Variants in GSE1 observed in about 807,000 individuals in gnomAD.
GSE1 encodes the protein Gse1 coiled-coil protein.
In GSE1, 32 loss-of-function variants were observed where a neutral mutation model predicts 112.6. The ratio of observed to expected loss-of-function variants is 0.28; its 90% CI spans 0.21 to 0.38. GSE1 has a LOEUF of 0.38. Among genes scored for constraint, GSE1 ranks in the 10% least tolerant of loss-of-function variants. The pLI is 1.00. For missense variants in GSE1, 2,348 were observed against 1,699.2 expected, an observed-to-expected ratio of 1.38 and a Z score of -6.71; for synonymous variants, 1,115 against 735.6, an observed-to-expected ratio of 1.52 and a Z score of -8.35.
At position 85,490,261 on chromosome 16, in the gene GSE1, A is replaced by G. The variant is rs58465270; in HGVS notation, c.2464+132618A>G. On this transcript the variant is annotated intron_variant, in intron 2 of 2. Coordinates refer to the GSE1 transcript ENST00000637419. ...GGAGACAACGTTCTATAAATCAACA[A>G]GAGCTGCTAGGTGCTCATGTGGGCA... The G allele has an allele frequency of 8.0e-3, 1,223 of 152,302 alleles. 17 individuals are homozygous for G. Among genetic ancestry groups the G allele is most frequent in the African/African-American group, 0.028 (1,159 of 41,550 alleles). 9.4% of individuals were successfully genotyped at this position (152,302 alleles called of 1,614,324 possible). A position where few individuals can be genotyped will look rare whatever the true frequency, so the allele number is the denominator to read the frequency against.
At chr16:85,450,744 C>T (rs1231991312) in intron 2 of GSE1, among the ~76,000 whole-genome samples, 2 of 152,150 alleles carry the variant, frequency 1.3e-5, no homozygotes, top group East Asian at 3.9e-4. Context: ...CCACCTCGCC[C>T]GGCCCACCTT....
At chr16:85,481,259 C>T (rs1244549162) in intron 2 of GSE1, among the ~76,000 whole-genome samples, 1 of 152,216 alleles carries the variant, frequency 6.6e-6, no homozygotes, top group African/African-American at 2.4e-5. Flanking sequence ...TAAAAGACAC[C>T]TCCTTTTTTT....
At chr16:85,569,768 G>A (rs1449574135) in intron 1 of GSE1, among the ~76,000 whole-genome samples, 2 of 152,206 alleles carry the variant, frequency 1.3e-5, no homozygotes, top group African/African-American at 4.8e-5. Flanking sequence ...CTGTGGCCGT[G>A]GCGTGCGTTG....
intron 2 of GSE1, among the ~76,000 whole-genome samples, chr16:85,438,802 A>C (rs914203130): frequency 2.0e-5 from 3 of 152,206 alleles, no homozygotes; most frequent in African/African-American, 7.2e-5. Context: ...TGGGACACTC[A>C]GCTGTGGCTG....
At chr16:85,226,816 T>TGA (rs1555543430) in intron 1 of GSE1, among the ~76,000 whole-genome samples, 1 of 113,070 alleles carries the variant, frequency 8.8e-6, no homozygotes, top group African/African-American at 3.3e-5. Context: ...TGTGTGTGTG[T>TGA]GAAGGAGGAC....
intron 1 of GSE1, among the ~76,000 whole-genome samples, chr16:85,631,204 C>T (rs141187032): frequency 1.1e-3 from 175 of 152,330 alleles, no homozygotes; most frequent in Admixed American, 4.0e-3. Flanking sequence ...AACCCGCAGC[C>T]TACTCGGTGT....
At chr16:85,411,019 CT>C (rs776840971) in intron 2 of GSE1, among the ~76,000 whole-genome samples, 1,630 of 30,558 alleles carry the variant, frequency 0.053, 60 homozygotes, top group East Asian at 0.087. Context: ...CAGAGCCCCC[CT>C]GGATAATCCT....
intron 1 of GSE1, among the ~76,000 whole-genome samples, chr16:85,185,640 T>C (rs374608883): frequency 2.0e-5 from 3 of 152,358 alleles, no homozygotes. Context: ...GACTCACATG[T>C]CATAAGAATT....
intron 1 of GSE1, among the ~76,000 whole-genome samples, chr16:85,226,758 GGTGTGTGTGTGTGTGTGT>G (rs55999145): frequency 0.011 from 1,174 of 104,976 alleles, 12 homozygotes; most frequent in African/African-American, 0.025. Flanking sequence ...TGCCTGGACT[GGTGTGTGTGTGTGTGTGT>G]GTGTGTGTGT....
intron 2 of GSE1, among the ~76,000 whole-genome samples, chr16:85,640,729 C>G (rs191270254): frequency 6.6e-6 from 1 of 152,258 alleles, no homozygotes; most frequent in African/African-American, 2.4e-5. Context: ...ATCTGCCTCT[C>G]AAAGAAAACA....
chr16:85,315,503 G>A (rs1350394911), intron 1 of GSE1, among the ~76,000 whole-genome samples: 2 of 152,060 alleles, frequency 1.3e-5, no homozygotes, highest in South Asian at 2.1e-4. Context: ...GGAGGGCCTC[G>A]GGTTGGCTGT....
intron 1 of GSE1, among the ~76,000 whole-genome samples, chr16:85,268,437 G>T (rs1597239943): frequency 6.6e-6 from 1 of 152,164 alleles, no homozygotes; most frequent in East Asian, 1.9e-4. Context: ...TCCCCGTCTG[G>T]CCCCTGCCCC....
intron 2 of GSE1, among the ~76,000 whole-genome samples, chr16:85,368,673 C>T (rs2047235190): frequency 6.6e-6 from 1 of 152,158 alleles, no homozygotes; most frequent in South Asian, 2.1e-4. Flanking sequence ...TCACTGTACT[C>T]CAGCCTGAGT....
At chr16:85,195,465 G>C (rs2074909021) in intron 1 of GSE1, among the ~76,000 whole-genome samples, 1 of 152,196 alleles carries the variant, frequency 6.6e-6, no homozygotes, top group Non-Finnish European at 1.5e-5. Flanking sequence ...GGCCCAGAGA[G>C]GTTAAGTCAC....
intron 11 of GSE1, 77 bp downstream of exon 11, chr16:85,663,691 T>C: frequency 2.8e-6 from 4 of 1,422,932 alleles, no homozygotes; most frequent in Non-Finnish European, 2.9e-6. Context: ...GTGGGGCCGG[T>C]GGACTCCAGG....
At chr16:85,624,715 C>T (rs926646906) in intron 1 of GSE1, among the ~76,000 whole-genome samples, 8 of 152,204 alleles carry the variant, frequency 5.3e-5, no homozygotes, top group African/African-American at 1.7e-4. Flanking sequence ...TGGGAGTGAG[C>T]ATCCCACTGT....
chr16:85,202,443 A>G (rs988373135), intron 1 of GSE1, among the ~76,000 whole-genome samples: 1 of 152,006 alleles, frequency 6.6e-6, no homozygotes, highest in African/African-American at 2.4e-5. Context: ...CCCACAGGAC[A>G]TTTTTTTGTA....
chr16:85,640,615 G>C (rs1377031353), intron 2 of GSE1, among the ~76,000 whole-genome samples: 1 of 152,250 alleles, frequency 6.6e-6, no homozygotes, highest in Non-Finnish European at 1.5e-5. Context: ...GGACCACGGA[G>C]CAGGGACCAC....
chr16:85,603,346 C>G (rs1045576439), intron 1 of GSE1, among the ~76,000 whole-genome samples: 11 of 152,162 alleles, frequency 7.2e-5, no homozygotes, highest in Non-Finnish European at 1.5e-4. Flanking sequence ...TGGCTTCGCT[C>G]GTGACTCTGC....
Sources: allele counts gnomAD v4.1 joint callset (sites outside exome capture counted in the v4.1 genomes callset), GRCh38; gene constraint gnomAD v4.1.1; transcripts MANE v1.5; gene names NCBI Gene and HGNC (gene_info 2026-07-23, HGNC 2026-07-21).